Variants in SND1 observed in about 807,000 individuals in gnomAD.
SND1 encodes staphylococcal nuclease domain-containing protein 1.
SND1 carries 38 observed loss-of-function variants against 121.7 expected under a neutral mutation model. The observed-to-expected ratio is 0.31, with a 90% confidence interval of 0.24 to 0.41. The LOEUF (loss-of-function observed/expected upper bound fraction) is 0.41. Ranked by LOEUF, SND1 falls within the 10% of genes least tolerant of loss-of-function variation. SND1 has a pLI of 1.00. For missense variants in SND1, 868 were observed against 1,184.6 expected (o/e 0.73, Z 3.92); for synonymous variants, 401 against 447.4 (o/e 0.90, Z 1.31).
intron 15 of SND1, among the ~76,000 whole-genome samples, chr7:127,967,920 G>A (rs1280502574): frequency 2.0e-5 from 3 of 152,146 alleles, no homozygotes; most frequent in East Asian, 1.9e-4. Context: ...ATAATAACAC[G>A]TACTTCTCAG....
At chr7:127,672,621 AAAAG>A (rs1316435743) in intron 1 of SND1, among the ~76,000 whole-genome samples, 1 of 152,042 alleles carries the variant, frequency 6.6e-6, no homozygotes, top group African/African-American at 2.4e-5. Flanking sequence ...TCAAAAAAAA[AAAAG>A]AAAGAAAAAG....
At chr7:127,920,330 A>G (rs1233815432) in intron 14 of SND1, among the ~76,000 whole-genome samples, 1 of 152,224 alleles carries the variant, frequency 6.6e-6, no homozygotes, top group Non-Finnish European at 1.5e-5. Flanking sequence ...TGAGGAAGCA[A>G]TCTGGGAAAG....
At chr7:127,859,679 T>C (rs1354905682) in intron 12 of SND1, among the ~76,000 whole-genome samples, 1 of 152,154 alleles carries the variant, frequency 6.6e-6, no homozygotes, top group Non-Finnish European at 1.5e-5. Context: ...TTACAAAAAA[T>C]AGTGATGCCC....
chr7:127,813,275 T>G (rs1260940315), intron 11 of SND1, among the ~76,000 whole-genome samples: 5 of 152,168 alleles, frequency 3.3e-5, no homozygotes, highest in Non-Finnish European at 2.9e-5. Flanking sequence ...ACCCTTTGGG[T>G]TTTGGGAAGG....
chr7:128,032,006 G>C (rs1183051822), intron 16 of SND1: 1 of 151,518 alleles, frequency 6.6e-6, no homozygotes, highest in Non-Finnish European at 1.5e-5. Context: ...CCCTGCGCGC[G>C]GCGCCCACCG....
rs189126366 is a variant in SND1, at chr7:127,698,001, T to G, written c.350-874T>G. 7.7e-4 allele frequency among the ~76,000 whole-genome samples: 117 copies of G among 152,350 alleles called. 1 individual carries two copies. The highest frequency in any genetic ancestry group is 7.5e-3 in the Admixed American group (115 of 15,288). On this transcript the variant is annotated intron_variant, in intron 3 of 23. Coordinates refer to ENST00000354725, the MANE Select transcript of SND1 (RefSeq NM_014390.4). ...TGGTTTTGGCCGACAAGCAGAGATTTAAGAGAAAACACTGAGCCTGAAAGC... is the reference window on the plus strand; with the variant it reads ...TGGTTTTGGCCGACAAGCAGAGATTGAAGAGAAAACACTGAGCCTGAAAGC...
chr7:128,075,116 C>T (rs146134584), intron 17 of SND1, among the ~76,000 whole-genome samples: 1 of 152,252 alleles, frequency 6.6e-6, no homozygotes. Context: ...CGTGGGGAAA[C>T]AACCCTAGGA....
chr7:128,080,319 G>GCTGT (rs1457741791), intron 17 of SND1, among the ~76,000 whole-genome samples: 2 of 152,216 alleles, frequency 1.3e-5, no homozygotes, highest in East Asian at 1.9e-4. Context: ...GACTTGACAC[G>GCTGT]CTGTCGCGTC....
At chr7:128,030,376 T>C in intron 16 of SND1, 1 of 1,613,918 alleles carries the variant, frequency 6.2e-7, no homozygotes, top group Non-Finnish European at 8.5e-7. Context: ...GCCTGGATCA[T>C]CTGGATGTTG....
chr7:128,015,002 G>A lies in SND1; in HGVS notation c.1779+23946G>A, dbSNP rs566225410. Among the ~76,000 whole-genome samples the A allele has an allele frequency of 2.2e-4, 33 of 152,230 alleles. 1 individual carries two copies. The East Asian group carries it at 3.7e-3, about 17-fold the overall frequency. Reference sequence around the variant, plus strand: ...TATTTCAAGCTTTAAGTCCTTATTCGTGCTCTGCCTACTTGGCTGGCTGTT... The same window carrying A: ...TATTTCAAGCTTTAAGTCCTTATTCATGCTCTGCCTACTTGGCTGGCTGTT... On this transcript the variant is annotated intron_variant, in intron 16 of 23. Coordinates refer to ENST00000354725, the MANE Select transcript of SND1 (RefSeq NM_014390.4). This position sits in a 1 kb window ranked among gnomAD's most constrained non-coding sequence, Gnocchi z 4.5.
intron 16 of SND1, among the ~76,000 whole-genome samples, chr7:128,051,094 C>G (rs1245088413): frequency 6.6e-6 from 1 of 152,220 alleles, no homozygotes; most frequent in Non-Finnish European, 1.5e-5. Context: ...TCTGGTTCTG[C>G]CCTGTGTGCT....
chr7:127,769,238 T>G (rs1385974667), intron 10 of SND1, among the ~76,000 whole-genome samples: 1 of 151,256 alleles, frequency 6.6e-6, no homozygotes, highest in East Asian at 1.9e-4. Flanking sequence ...CCAAAAGTAT[T>G]AGGTAGAGTG....
At chr7:127,726,309 A>C (rs1263786074) in intron 10 of SND1, among the ~76,000 whole-genome samples, 1 of 152,132 alleles carries the variant, frequency 6.6e-6, no homozygotes, top group Non-Finnish European at 1.5e-5. Context: ...TTCTAGCTGG[A>C]TTTGTCTGAT....
intron 12 of SND1, among the ~76,000 whole-genome samples, chr7:127,853,224 T>C (rs1799206465): frequency 6.6e-6 from 1 of 152,032 alleles, no homozygotes; most frequent in Non-Finnish European, 1.5e-5. Flanking sequence ...GGGCTCGGGG[T>C]TGACTGGGAT....
intron 15 of SND1, among the ~76,000 whole-genome samples, chr7:127,980,667 G>T (rs1802238163): frequency 6.6e-6 from 1 of 152,158 alleles, no homozygotes; most frequent in South Asian, 2.1e-4. Context: ...CAATAGTTTA[G>T]AAGTACACTC....
intron 16 of SND1, among the ~76,000 whole-genome samples, chr7:128,069,988 G>A (rs1793380715): frequency 6.6e-6 from 1 of 152,220 alleles, no homozygotes; most frequent in Non-Finnish European, 1.5e-5. Context: ...CAAAGGTGCA[G>A]TCCAGGTATT....
chr7:128,061,712 A>G (rs1584767917), intron 16 of SND1, among the ~76,000 whole-genome samples: 2 of 152,282 alleles, frequency 1.3e-5, no homozygotes, highest in East Asian at 3.8e-4. Context: ...GGCCAGGGTC[A>G]TTAACCAGGC....
At chr7:128,048,512 TTTGAG>T (rs1450154737) in intron 16 of SND1, among the ~76,000 whole-genome samples, 1 of 152,166 alleles carries the variant, frequency 6.6e-6, no homozygotes, top group Non-Finnish European at 1.5e-5. Context: ...TGTTACTGTC[TTTGAG>T]TTAAGTGGTT....
chr7:127,780,482 C>T (rs939205979), intron 10 of SND1, among the ~76,000 whole-genome samples: 11 of 152,204 alleles, frequency 7.2e-5, no homozygotes, highest in African/African-American at 2.7e-4. Context: ...GTATGAGGCC[C>T]AGTGAGGCTA....
Sources: allele counts gnomAD v4.1 joint callset (sites outside exome capture counted in the v4.1 genomes callset), GRCh38; gene constraint gnomAD v4.1.1; non-coding constraint Gnocchi (gnomAD v3.1); transcripts MANE v1.5; gene names NCBI Gene and HGNC (gene_info 2026-07-23, HGNC 2026-07-21).